The following DENND4C variants were observed in gnomAD, a reference collection of about 807,000 sequenced individuals.
The protein encoded by DENND4C is DENN domain-containing protein 4C.
Under a neutral mutation model 203.0 loss-of-function variants are expected in DENND4C, and 108 were observed. The ratio of observed to expected loss-of-function variants is 0.53; its 90% CI spans 0.46 to 0.62. The LOEUF is 0.62. Ranked by LOEUF, DENND4C falls within the 20% of genes least tolerant of loss-of-function variation. DENND4C has a pLI of 0.00. For missense variants in DENND4C, 2,481 were observed against 2,301.2 expected (o/e 1.08, Z -1.60); for synonymous variants, 871 against 792.4 (o/e 1.10, Z -1.67).
In DENND4C at chr9:19,342,792, A is replaced by G; in HGVS notation, c.3151+13A>G. 1 of 1,564,142 alleles carries G rather than the reference A, an allele frequency of 6.4e-7. No homozygotes were observed. The highest frequency in any genetic ancestry group is 8.6e-7 in the Non-Finnish European group (1 of 1,159,282). On this transcript the variant is annotated intron_variant, in intron 22 of 32. Transcript: ENST00000434457. ...AAAAGTAGCACTGGTGAGTCTTTAC[A>G]TTTTGGTTATTAAATATTTAAAATA... is the stretch of plus-strand genomic sequence containing the variant.
At chr9:19,349,243 C>T (rs1484603568) in intron 23 of DENND4C, among the ~76,000 whole-genome samples, 1 of 151,824 alleles carries the variant, frequency 6.6e-6, no homozygotes, top group African/African-American at 2.4e-5. Context: ...CCCATCTATA[C>T]AAAAAAATAC....
intron 23 of DENND4C, 51 bp from the exon 24 acceptor site, chr9:19,350,651 A>T (rs1307606367): frequency 6.7e-7 from 1 of 1,492,908 alleles, no homozygotes; most frequent in South Asian, 1.2e-5. Context: ...GTATAATCCC[A>T]CTGGAGAAGG....
rs1005545087 is a variant in DENND4C at position 19,333,596 on chromosome 9, T to C, written c.2461-1381T>C. ...GTTAGCACCTTCATCATAAGGTTAGTTTGAAGGTTAGTTAAATCAGTTAAT... is the reference window on the plus strand; with the variant it reads ...GTTAGCACCTTCATCATAAGGTTAGCTTGAAGGTTAGTTAAATCAGTTAAT... On this transcript the variant is annotated intron_variant, in intron 17 of 32. Transcript: ENST00000434457. 2.0e-5 allele frequency among the ~76,000 whole-genome samples: 3 copies of C among 152,254 alleles called. No individual in the cohort carries two copies. The East Asian group carries it at 5.8e-4, about 29-fold the overall frequency.
At chr9:19,334,560 CTG>C (rs1389034012) in intron 17 of DENND4C, among the ~76,000 whole-genome samples, 1 of 140,516 alleles carries the variant, frequency 7.1e-6, no homozygotes, top group East Asian at 2.1e-4. Context: ...GAGTCTCACT[CTG>C]TTGCCCAGGC....
At chr9:19,251,397 C>T (rs1564086815) in intron 1 of DENND4C, among the ~76,000 whole-genome samples, 1 of 152,204 alleles carries the variant, frequency 6.6e-6, no homozygotes, top group African/African-American at 2.4e-5. Flanking sequence ...TCTTTCAAGG[C>T]CTCTGGGCCT....
chr9:19,363,327 A>G (rs1826898255), intron 30 of DENND4C, among the ~76,000 whole-genome samples: 1 of 152,052 alleles, frequency 6.6e-6, no homozygotes, highest in Non-Finnish European at 1.5e-5. Flanking sequence ...CAGCATGGCC[A>G]AGATGGTCTT....
chr9:19,275,179 T>C (rs1832630674), intron 1 of DENND4C, among the ~76,000 whole-genome samples: 1 of 151,298 alleles, frequency 6.6e-6, no homozygotes, highest in South Asian at 2.1e-4. Context: ...GGTTTCACCA[T>C]GTTAGCCAGG....
chr9:19,346,148 A>C lies in DENND4C; in HGVS notation c.3379A>C (p.Lys1127Gln). Reference sequence around the variant, plus strand: ...GGCTATCATGATGGGAGCAGATGCCAAGATTCTCACAGCAGCATTGACATG... The same window carrying C: ...GGCTATCATGATGGGAGCAGATGCCCAGATTCTCACAGCAGCATTGACATG... The part of the protein sequence containing the change: ...EMAIMMGADA[K>Q]ILTAALTCPK... Residue 1127 changes from lysine to glutamine, a missense_variant, in exon 23 of 33, where the codon AAG (lysine) becomes CAG (glutamine). Lys to Gln is a moderately conservative substitution (Grantham distance 53, BLOSUM62 1). Transcript: ENST00000434457. 6.2e-7 allele frequency: 1 copy of C among 1,614,224 alleles called. No individual in the cohort carries two copies. Among genetic ancestry groups the C allele is most frequent in the Non-Finnish European group, 8.5e-7 (1 of 1,180,026 alleles).
chr9:19,357,487 CA>C, intron 27 of DENND4C: 1 of 271,404 alleles, frequency 3.7e-6, no homozygotes, highest in Non-Finnish European at 7.0e-6. Context: ...CTAATTGAAT[CA>C]AACATTTATT....
At chr9:19,316,560 A>C in intron 11 of DENND4C, 43 bp downstream of exon 11, 1 of 1,601,178 alleles carries the variant, frequency 6.2e-7, no homozygotes, top group Non-Finnish European at 8.5e-7. Flanking sequence ...AGGAATGTAT[A>C]CGAGAAAATT....
intron 1 of DENND4C, among the ~76,000 whole-genome samples, chr9:19,265,146 C>A (rs1830226123): frequency 6.6e-6 from 1 of 152,080 alleles, no homozygotes. Context: ...TCCTAAATAG[C>A]TGGAACTACA....
At chr9:19,308,489 T>C (rs1840119611) in intron 10 of DENND4C, among the ~76,000 whole-genome samples, 1 of 152,196 alleles carries the variant, frequency 6.6e-6, no homozygotes, top group Non-Finnish European at 1.5e-5. Flanking sequence ...GTTCCTTTTG[T>C]TGGTACATTT....
intron 1 of DENND4C, among the ~76,000 whole-genome samples, chr9:19,256,455 T>C (rs969613462): frequency 2.0e-5 from 3 of 151,730 alleles, no homozygotes; most frequent in Admixed American, 6.6e-5. Context: ...TAGCTGGGAT[T>C]ACAGGCATGC....
intron 1 of DENND4C, among the ~76,000 whole-genome samples, chr9:19,266,173 T>C (rs1160669178): frequency 1.3e-5 from 2 of 152,178 alleles, no homozygotes; most frequent in African/African-American, 2.4e-5. Flanking sequence ...TGGTATCCCA[T>C]TGTGGTTTTG....
chr9:19,302,925 G>A (rs1436463168), intron 9 of DENND4C, among the ~76,000 whole-genome samples: 1 of 151,306 alleles, frequency 6.6e-6, no homozygotes, highest in African/African-American at 2.4e-5. Flanking sequence ...GTCCTGTTCT[G>A]TTTGTCCTAA....
chr9:19,302,023 T>C (rs1009053088), intron 9 of DENND4C, among the ~76,000 whole-genome samples: 3 of 152,198 alleles, frequency 2.0e-5, no homozygotes, highest in Non-Finnish European at 4.4e-5. Context: ...CCAAGTCTTT[T>C]GATGGATTTC....
At chr9:19,328,003 G>C in intron 15 of DENND4C, 27 bp from the exon 16 acceptor site, 4 of 1,570,674 alleles carry the variant, frequency 2.5e-6, no homozygotes, top group Non-Finnish European at 3.4e-6. Context: ...TTTTAAATCA[G>C]CAGTTCTATT....
chr9:19,291,810 A>C (rs72698400), intron 5 of DENND4C, among the ~76,000 whole-genome samples: 1,757 of 152,284 alleles, frequency 0.012, 12 homozygotes, highest in Non-Finnish European at 0.019. Flanking sequence ...GTAAAACATA[A>C]AAGGAGTTTT....
At chr9:19,303,562 T>C (rs1298992863) in intron 9 of DENND4C, among the ~76,000 whole-genome samples, 1 of 152,226 alleles carries the variant, frequency 6.6e-6, no homozygotes, top group Non-Finnish European at 1.5e-5. Context: ...ATAAACCTCA[T>C]GAGGAGAGTG....
Sources: allele counts gnomAD v4.1 joint callset (sites outside exome capture counted in the v4.1 genomes callset), GRCh38; gene constraint gnomAD v4.1.1; transcripts MANE v1.5; gene names NCBI Gene and HGNC (gene_info 2026-07-23, HGNC 2026-07-21).